The following LTBP1 variants were observed in gnomAD, a reference collection of about 807,000 sequenced individuals.
LTBP1 encodes latent transforming growth factor beta binding protein 1.
In LTBP1, 129 loss-of-function variants were observed where a neutral mutation model predicts 207.6. The ratio of observed to expected loss-of-function variants is 0.62; its 90% confidence interval spans 0.54 to 0.72. The LOEUF is 0.72. Among genes scored for constraint, LTBP1 ranks in the 30% least tolerant of loss-of-function variants. LTBP1 has a pLI of 0.00. For synonymous variants in LTBP1, 963 were observed against 833.7 expected (o/e 1.16, Z -2.67); for missense variants, 2,281 against 2,217.2 (o/e 1.03, Z -0.58).
At chr2:33,069,642 A>T (rs1286288348) in intron 3 of LTBP1, among the ~76,000 whole-genome samples, 1 of 152,250 alleles carries the variant, frequency 6.6e-6, no homozygotes, top group Non-Finnish European at 1.5e-5. Flanking sequence ...CCTAGTACAG[A>T]CATCTGCATC....
chr2:33,126,856 C>T (rs1265413281), intron 4 of LTBP1, among the ~76,000 whole-genome samples: 1 of 152,098 alleles, frequency 6.6e-6, no homozygotes, highest in African/African-American at 2.4e-5. Flanking sequence ...ATGACAGAAT[C>T]AGTATTCTGC....
At chr2:33,082,574 A>G (rs219098) in intron 3 of LTBP1, among the ~76,000 whole-genome samples, 134,381 of 151,232 alleles carry the variant, frequency 0.89, 61,718 homozygotes, top group East Asian at 1. Context: ...ACAGGTGTCC[A>G]CCAGCACGCC....
At chr2:33,004,308 C>G (rs1042729686) in intron 2 of LTBP1, among the ~76,000 whole-genome samples, 2 of 152,070 alleles carry the variant, frequency 1.3e-5, no homozygotes, top group African/African-American at 4.8e-5. Context: ...GTGACTTAAG[C>G]TTTGGCCACA....
chr2:32,983,927 A>G (rs1204726270), intron 2 of LTBP1, among the ~76,000 whole-genome samples: 1 of 152,228 alleles, frequency 6.6e-6, no homozygotes, highest in South Asian at 2.1e-4. Flanking sequence ...CTTTTATTCA[A>G]GTCTTAAGTT....
intron 7 of LTBP1, among the ~76,000 whole-genome samples, chr2:33,204,737 A>T (rs1216231589): frequency 6.6e-6 from 1 of 152,112 alleles, no homozygotes; most frequent in Non-Finnish European, 1.5e-5. Context: ...GTGCCACCAT[A>T]CCTGGCCATG....
At chr2:33,256,006 C>T (rs970803421) in intron 11 of LTBP1, among the ~76,000 whole-genome samples, 5 of 152,144 alleles carry the variant, frequency 3.3e-5, no homozygotes, top group African/African-American at 1.2e-4. Flanking sequence ...TCTTCTCCCC[C>T]TTGCCTTTCC....
chr2:33,134,400 A>G lies in LTBP1; in HGVS notation c.1034-393A>G. ...CAAGAGTTTATTCACCGCTAGGTGC[A>G]CGGCCAACCCCTTTGCATTACATCT... On this transcript the variant is annotated intron_variant, in intron 4 of 33. Coordinates refer to ENST00000404816, the MANE Select transcript of LTBP1 (RefSeq NM_206943.4). This position sits in a 1 kb window ranked among gnomAD's most constrained non-coding sequence, Gnocchi z 4.4. 1.9e-6 allele frequency: 1 copy of G among 513,174 alleles called. No homozygotes were observed. The highest frequency in any genetic ancestry group is 3.8e-6 in the Non-Finnish European group (1 of 261,102). The allele number at this position is 513,174 out of a possible 1,614,324, so 31.8% of individuals were successfully genotyped here. A position where few individuals can be genotyped will look rare whatever the true frequency, so the allele number is the denominator to read the frequency against.
chr2:33,243,823 T>C (rs2092419112), intron 10 of LTBP1, 39 bp downstream of exon 10: 2 of 1,611,822 alleles, frequency 1.2e-6, no homozygotes, highest in Non-Finnish European at 1.7e-6. Context: ...TTTGGATTAA[T>C]TGTCTTTGGG....
At chr2:33,271,033 A>G (rs899893668) in intron 15 of LTBP1, among the ~76,000 whole-genome samples, 2 of 152,214 alleles carry the variant, frequency 1.3e-5, no homozygotes, top group African/African-American at 2.4e-5. Flanking sequence ...TTTGAGAAGA[A>G]ACACTTTAGC....
intron 3 of LTBP1, among the ~76,000 whole-genome samples, chr2:33,023,405 T>C (rs1031326249): frequency 1.3e-5 from 2 of 152,146 alleles, no homozygotes; most frequent in African/African-American, 4.8e-5. Flanking sequence ...GTAGCCGCGG[T>C]GTACTTTAGA....
intron 3 of LTBP1, among the ~76,000 whole-genome samples, chr2:33,037,003 C>A (rs2075958946): frequency 6.6e-6 from 1 of 151,440 alleles, no homozygotes; most frequent in Admixed American, 6.6e-5. Flanking sequence ...AAATGGGATC[C>A]ATTTCTATCT....
chr2:33,368,163 C>T (rs1470727736), intron 31 of LTBP1, among the ~76,000 whole-genome samples: 2 of 151,722 alleles, frequency 1.3e-5, no homozygotes, highest in African/African-American at 2.4e-5. Flanking sequence ...GCCGAGATCG[C>T]GCCACTGCAC....
intron 2 of LTBP1, among the ~76,000 whole-genome samples, chr2:32,963,436 C>T (rs1266767332): frequency 6.6e-6 from 1 of 151,712 alleles, no homozygotes; most frequent in African/African-American, 2.4e-5. Flanking sequence ...GTCTTGAACT[C>T]CTGGCTTCAA....
intron 29 of LTBP1, 84 bp downstream of exon 29, chr2:33,363,602 T>G (rs2094950885): frequency 7.3e-7 from 1 of 1,378,986 alleles, no homozygotes; most frequent in Non-Finnish European, 9.8e-7. Context: ...AAAAACAATT[T>G]CCTTGAATCT....
At chr2:33,190,049 A>G (rs2087678445) in intron 7 of LTBP1, among the ~76,000 whole-genome samples, 1 of 152,166 alleles carries the variant, frequency 6.6e-6, no homozygotes, top group African/African-American at 2.4e-5. Context: ...AAAAAAATTC[A>G]TAACTTGCAA....
At chr2:33,046,514 G>T (rs929313257) in intron 3 of LTBP1, among the ~76,000 whole-genome samples, 2 of 152,208 alleles carry the variant, frequency 1.3e-5, no homozygotes, top group Admixed American at 6.5e-5. Context: ...GATTCAGTTT[G>T]CCAGTATTTT....
chr2:33,306,214 C>T (rs2094090061), intron 22 of LTBP1, among the ~76,000 whole-genome samples: 1 of 152,208 alleles, frequency 6.6e-6, no homozygotes, highest in Non-Finnish European at 1.5e-5. Flanking sequence ...ATGCTCTTTT[C>T]CCTCACATTC....
At chr2:33,300,037 T>C (rs2093954750) in intron 20 of LTBP1, among the ~76,000 whole-genome samples, 1 of 152,190 alleles carries the variant, frequency 6.6e-6, no homozygotes, top group Non-Finnish European at 1.5e-5. Flanking sequence ...CATAACTGCC[T>C]ATGTTTTTGG....
At chr2:33,361,553 G>A in intron 28 of LTBP1, 38 bp downstream of exon 28, 2 of 1,394,918 alleles carry the variant, frequency 1.4e-6, no homozygotes, top group Admixed American at 1.7e-5. Context: ...AGCACATTGT[G>A]TACATGTCAG....
Sources: gnomAD v4.1 joint callset for allele counts (sites outside exome capture counted in the v4.1 genomes callset) on GRCh38, gnomAD v4.1.1 for gene constraint, Gnocchi (gnomAD v3.1) non-coding constraint, MANE v1.5 for transcripts, NCBI Gene and HGNC (gene_info 2026-07-23, HGNC 2026-07-21) for gene names.